Variants in LGI3 observed in about 807,000 individuals in gnomAD.
LGI3 encodes leucine-rich repeat LGI family member 3.
A neutral mutation model predicts 55.4 loss-of-function variants in LGI3; 47 were observed. The observed-to-expected ratio is 0.85, with a 90% CI of 0.67 to 1.08. LGI3 has a LOEUF of 1.08. Ranked by LOEUF, LGI3 falls within the 50% of genes least tolerant of loss-of-function variation. LGI3 has a pLI of 0.00. For synonymous variants in LGI3, 326 were observed against 315.0 expected (o/e 1.04, Z -0.37); for missense variants, 664 against 726.3 (o/e 0.91, Z 0.99).
chr8:22,151,009 A>G (rs767449824), intron 7 of LGI3, among the ~76,000 whole-genome samples: 1 of 151,804 alleles, frequency 6.6e-6, no homozygotes, highest in Non-Finnish European at 1.5e-5. Flanking sequence ...CCCTCTGCCA[A>G]AACACTCTTT....
rs780300477 is a variant in LGI3, at chr8:22,148,828, G to T, written c.979C>A (p.Arg327Ser). 6 of 1,614,154 alleles carry T rather than the reference G, an allele frequency of 3.7e-6. No individual in the cohort carries two copies. The highest frequency in any genetic ancestry group is 1.7e-5 in the Admixed American group (1 of 60,028). The change falls in exon 8 of 8, where the codon CGC (arginine) becomes AGC (serine). Residue 327 changes from arginine to serine, a missense_variant. Coordinates refer to ENST00000306317, the MANE Select transcript of LGI3 (RefSeq NM_139278.4). This position sits in a 1 kb window ranked among gnomAD's most constrained non-coding sequence, Gnocchi z 7.0. ...AAGGCTTCTAGGTCGTTAGGCTTGC[G>T]CACGCGCTGCGGGTCAATGTCTTGC... is the stretch of plus-strand genomic sequence containing the variant. ...RLQDIDPQRV[R>S]KPNDLEAFRI... is the part of the protein sequence containing the mutation.
intron 7 of LGI3, 62 bp downstream of exon 7, chr8:22,151,427 G>A (rs1358423524): frequency 1.4e-5 from 21 of 1,513,770 alleles, no homozygotes; most frequent in Admixed American, 6.8e-5. Context: ...GGGGTTGAAC[G>A]ATGGAGCCCA....
intron 7 of LGI3, among the ~76,000 whole-genome samples, chr8:22,149,971 C>T (rs1276298696): frequency 6.6e-6 from 1 of 152,212 alleles, no homozygotes; most frequent in Non-Finnish European, 1.5e-5. Flanking sequence ...ACTCACAATT[C>T]AGCTCCATAC....
rs1193194117 is a variant in LGI3, at chr8:22,156,356, G to A, written c.187C>T (p.Pro63Ser). 6.2e-7 allele frequency: 1 copy of A among 1,609,138 alleles called. No individual in the cohort carries two copies. The highest frequency in any genetic ancestry group is 8.5e-7 in the Non-Finnish European group (1 of 1,178,498). Residue 63 changes from proline to serine, a missense_variant, in exon 1 of 8, where the codon CCC becomes TCC. By Grantham distance (74) the Pro-to-Ser change is moderately conservative. Transcript: ENST00000306317. ...VDSKAVPRNL[P>S]SEVISLTLVN... The stretch of plus-strand genomic sequence containing the variant: ...ACTCACAGGGAGATGACCTCCGAGG[G>A]CAGGTTCCTGGGCACCGCCTTTGAG...
intron 1 of LGI3, 44 bp downstream of exon 1, chr8:22,156,293 C>T: frequency 6.2e-7 from 1 of 1,601,574 alleles, no homozygotes; most frequent in Non-Finnish European, 8.5e-7. Flanking sequence ...TGTCCTCGGC[C>T]TCCTCTCCCT....
In LGI3 at chr8:22,150,351, A is replaced by ATTTT. The variant is rs61084616; in HGVS notation, c.829+1134_829+1137dup. On this transcript the variant is annotated intron_variant, in intron 7 of 7. Transcript: ENST00000306317. ...CATCTTGTGTCAGTTTAAGCCTTCT[A>ATTTT]TTTTTTTTTTTTTTTTTTTTTTTTT... Among the ~76,000 whole-genome samples the ATTTT allele has an allele frequency of 1.2e-3, 87 of 72,608 alleles. 1 individual carries two copies. Among genetic ancestry groups the ATTTT allele is most frequent in the Admixed American group, 1.4e-3 (7 of 4,984 alleles). The allele number at this position is 72,608 out of a possible 152,430, so 47.6% of individuals were successfully genotyped here.
intron 4 of LGI3, 31 bp from the exon 5 acceptor site, chr8:22,154,070 A>G (rs1827452962): frequency 1.2e-6 from 2 of 1,613,764 alleles, no homozygotes; most frequent in African/African-American, 1.3e-5. Flanking sequence ...TCATCTGAAG[A>G]TCATGAGCAA....
chr8:22,155,716 G>C (rs892842071), intron 1 of LGI3, among the ~76,000 whole-genome samples: 5 of 152,208 alleles, frequency 3.3e-5, no homozygotes, highest in African/African-American at 1.2e-4. Flanking sequence ...GCAAGAAAAG[G>C]TTCCATCACC....
rs373343995 is a variant in LGI3, at chr8:22,151,613, C to A, written c.705G>T (p.Ser235=). Residue 235 remains serine, a synonymous_variant, in exon 7 of 8, where the codon TCG becomes TCT. Coordinates refer to ENST00000306317, the MANE Select transcript of LGI3 (RefSeq NM_139278.4). ...CACTGGAGTAGAGGAAGGGCTCAGC[C>A]GACACTGCTGGGAAGGCCAGGGTCT... is the stretch of plus-strand genomic sequence containing the variant. ...LYQTLAFPAV[S]AEPFLYSSDL... The A allele has an allele frequency of 2.5e-6, 4 of 1,613,928 alleles. No individual in the cohort carries two copies. Among genetic ancestry groups the A allele is most frequent in the Non-Finnish European group, 3.4e-6 (4 of 1,180,016 alleles).
At chr8:22,154,269 G>A in intron 3 of LGI3, 56 bp from the exon 4 acceptor site, 2 of 1,418,258 alleles carry the variant, frequency 1.4e-6, no homozygotes, top group Non-Finnish European at 2.0e-6. Context: ...ACCCCCAGCA[G>A]CACTCGCCCT....
At position 22,147,729 on chromosome 8, in the gene LGI3, G is replaced by C. The variant is rs1369986951; in HGVS notation, c.*431C>G. The stretch of plus-strand genomic sequence containing the variant: ...GGGAAGCATGACAGATATGGCTGTG[G>C]GCTACAGCGGGGAGCAAGAGCAGGT... On this transcript the variant is annotated 3_prime_UTR_variant, in exon 8 of 8. Coordinates refer to ENST00000306317, the MANE Select transcript of LGI3 (RefSeq NM_139278.4). 1 of 175,542 alleles carries C rather than the reference G, an allele frequency of 5.7e-6. No homozygotes were observed. The highest frequency in any genetic ancestry group is 1.2e-5 in the Non-Finnish European group (1 of 81,886). The allele number at this position is 175,542 out of a possible 1,614,324, so 10.9% of individuals were successfully genotyped here.
intron 7 of LGI3, 63 bp downstream of exon 7, chr8:22,151,426 C>T (rs1287902953): frequency 1.7e-5 from 25 of 1,509,406 alleles, no homozygotes; most frequent in Middle Eastern, 3.5e-4. Context: ...TGGGGTTGAA[C>T]GATGGAGCCC....
At chr8:22,154,306 G>T in intron 3 of LGI3, 93 bp from the exon 4 acceptor site, 1 of 1,093,196 alleles carries the variant, frequency 9.1e-7, no homozygotes, top group Non-Finnish European at 1.4e-6. Flanking sequence ...TTCAGCCCGT[G>T]TCCCCGAGAC....
rs1827313972 is a variant in LGI3, at chr8:22,147,266, GC to G, written c.*893del. 6.6e-6 allele frequency: 1 copy of G among 152,406 alleles called. No homozygotes were observed. The allele number at this position is 152,406 out of a possible 1,614,324, so 9.4% of individuals were successfully genotyped here. A position where few individuals can be genotyped will look rare whatever the true frequency, so the allele number is the denominator to read the frequency against. ...CAGCTACAGGAAGGAAGGCAGAAAG[GC>G]TTTCAGATGAGGGGAGGTCTTCTGT... On this transcript the variant is annotated 3_prime_UTR_variant, in exon 8 of 8. Coordinates refer to ENST00000306317, the MANE Select transcript of LGI3 (RefSeq NM_139278.4).
In LGI3 at chr8:22,148,341, A is replaced by G. The variant is rs562289764; in HGVS notation, c.1466T>C (p.Phe489Ser). ...CTCATCCCACTGGTAGATCTGGGTG[A>G]AGGAGAAATCACTGCCCAGTGCCAG... is the stretch of plus-strand genomic sequence containing the variant. The part of the protein sequence containing the change: ...RYLALGSDFS[F>S]TQIYQWDEGR... Residue 489 changes from phenylalanine (F) to serine (S), a missense_variant, in exon 8 of 8, where the codon TTC becomes TCC. Phe to Ser is a radical substitution (Grantham distance 155). Transcript: ENST00000306317. This position sits in a 1 kb window ranked among gnomAD's most constrained non-coding sequence, Gnocchi z 7.0. The G allele has an allele frequency of 1.3e-5, 21 of 1,613,338 alleles. No homozygotes were observed. The South Asian group carries it at 2.3e-4, about 18-fold the overall frequency.
chr8:22,151,216 C>T (rs1441241684), intron 7 of LGI3, among the ~76,000 whole-genome samples: 1 of 152,138 alleles, frequency 6.6e-6, no homozygotes, highest in Non-Finnish European at 1.5e-5. Flanking sequence ...GGGTATCCCC[C>T]CTCCACCAGG....
At chr8:22,155,877 TGTGA>T (rs1586411145) in intron 1 of LGI3, among the ~76,000 whole-genome samples, 1 of 152,228 alleles carries the variant, frequency 6.6e-6, no homozygotes, top group African/African-American at 2.4e-5. Context: ...GGCTGGCTGT[TGTGA>T]GTGACAGGCT....
intron 2 of LGI3, 120 bp downstream of exon 2, chr8:22,155,272 A>T: frequency 2.2e-6 from 2 of 899,664 alleles, no homozygotes; most frequent in Non-Finnish European, 3.6e-6. Context: ...AAAGCAAGGG[A>T]CACCTGCATC....
intron 5 of LGI3, among the ~76,000 whole-genome samples, chr8:22,153,761 T>A (rs1238288052): frequency 6.7e-6 from 1 of 150,298 alleles, no homozygotes; most frequent in Non-Finnish European, 1.5e-5. Context: ...ACACACATGG[T>A]GTCTCAGGTG....
Sources: allele counts gnomAD v4.1 joint callset (sites outside exome capture counted in the v4.1 genomes callset), GRCh38; gene constraint gnomAD v4.1.1; non-coding constraint Gnocchi (gnomAD v3.1); transcripts MANE v1.5; gene names NCBI Gene and HGNC (gene_info 2026-07-23, HGNC 2026-07-21).